Variants in PRICKLE2 observed in about 807,000 individuals in gnomAD.
The protein encoded by PRICKLE2 is prickle planar cell polarity protein 2, also known as prickle-like protein 2.
Under a neutral mutation model 81.4 loss-of-function variants are expected in PRICKLE2, and 21 were observed. That is an observed-to-expected ratio of 0.26 (90% CI 0.18 to 0.37). The LOEUF (loss-of-function observed/expected upper bound fraction) is 0.37. Ranked by LOEUF, PRICKLE2 falls within the 10% of genes least tolerant of loss-of-function variation. The probability of loss-of-function intolerance (pLI) is 1.00; values close to 1 mark genes in which losing one functional copy is unlikely to be tolerated. For synonymous variants in PRICKLE2, 456 were observed against 421.5 expected (o/e 1.08, Z -1.00); for missense variants, 940 against 1,109.0 (o/e 0.85, Z 2.16).
chr3:64,243,114 G>A (rs1334294276), intron 2 of PRICKLE2, among the ~76,000 whole-genome samples: 1 of 152,148 alleles, frequency 6.6e-6, no homozygotes, highest in Non-Finnish European at 1.5e-5. Flanking sequence ...AATATGAAGT[G>A]CATGTGTGCA....
At chr3:64,213,655 T>A (rs2078828013) in intron 1 of PRICKLE2, among the ~76,000 whole-genome samples, 1 of 152,186 alleles carries the variant, frequency 6.6e-6, no homozygotes, top group East Asian at 1.9e-4. Flanking sequence ...CCCAGGGGCA[T>A]AAGGTCAGTT....
At chr3:64,253,336 G>GT (rs2079477180) in intron 2 of PRICKLE2, among the ~76,000 whole-genome samples, 1 of 152,126 alleles carries the variant, frequency 6.6e-6, no homozygotes. Context: ...TGGAACTGAT[G>GT]TTTGACTCCT....
At chr3:64,118,217 C>A (rs1069980) in intron 7 of PRICKLE2, among the ~76,000 whole-genome samples, 86,420 of 151,980 alleles carry the variant, frequency 0.57, 24,590 homozygotes, top group Middle Eastern at 0.63. Flanking sequence ...AAAGACTTAA[C>A]TGTAAAAACC....
At chr3:64,245,047 A>C (rs912762962) in intron 2 of PRICKLE2, among the ~76,000 whole-genome samples, 12 of 152,212 alleles carry the variant, frequency 7.9e-5, no homozygotes, top group Non-Finnish European at 1.2e-4. Flanking sequence ...CTTGTTGTCA[A>C]TAGGGTAAAT....
chr3:64,201,402 T>C (rs1389965903), intron 1 of PRICKLE2, among the ~76,000 whole-genome samples: 1 of 152,240 alleles, frequency 6.6e-6, no homozygotes, highest in Middle Eastern at 3.2e-3. Context: ...TCTTGTCACA[T>C]TTGTTATTGT....
intron 1 of PRICKLE2, among the ~76,000 whole-genome samples, chr3:64,223,501 C>T (rs2078986451): frequency 6.6e-6 from 1 of 152,112 alleles, no homozygotes; most frequent in Non-Finnish European, 1.5e-5. Flanking sequence ...ATTTTATTCC[C>T]TCACATTTCA....
chr3:64,146,667 C>G, intron 7 of PRICKLE2, 163 bp downstream of exon 7: 4 of 720,492 alleles, frequency 5.6e-6, no homozygotes, highest in Non-Finnish European at 9.2e-6. Flanking sequence ...GGCGTGAACC[C>G]GGGAGGTGGA....
chr3:64,163,146 A>T lies in PRICKLE2; in HGVS notation c.145-17T>A. ...CTGGTGTACCTGAAGGACAGAAAGC[A>T]TATAGATGACTTGCCCATTACTCAA... On this transcript the variant is annotated splice_polypyrimidine_tract_variant and intron_variant, in intron 2 of 7. Coordinates refer to ENST00000638394, the MANE Select transcript of PRICKLE2 (RefSeq NM_198859.4). 2 of 1,458,212 alleles carry T rather than the reference A, an allele frequency of 1.4e-6. No homozygotes were observed. Among genetic ancestry groups the T allele is most frequent in the Non-Finnish European group, 1.9e-6 (2 of 1,037,850 alleles). The allele number at this position is 1,458,212 out of a possible 1,614,324, so 90.3% of individuals were successfully genotyped here. A position where few individuals can be genotyped will look rare whatever the true frequency, so the allele number is the denominator to read the frequency against.
intron 5 of PRICKLE2, among the ~76,000 whole-genome samples, chr3:64,156,587 T>G (rs1427528207): frequency 6.6e-6 from 1 of 152,188 alleles, no homozygotes; most frequent in Non-Finnish European, 1.5e-5. Flanking sequence ...AGGTTTTGCG[T>G]TCTATCCTGC....
chr3:64,116,677 T>C (rs1069984), intron 7 of PRICKLE2, among the ~76,000 whole-genome samples: 113,080 of 152,008 alleles, frequency 0.74, 43,698 homozygotes, highest in South Asian at 0.86. Flanking sequence ...AGACCAATAA[T>C]GAGCTCTGAA....
intron 7 of PRICKLE2, among the ~76,000 whole-genome samples, chr3:64,114,805 G>C (rs1162425190): frequency 6.6e-6 from 1 of 152,118 alleles, no homozygotes; most frequent in African/African-American, 2.4e-5. Context: ...CATACTTCAA[G>C]ATATCATTCA....
At chr3:64,134,621 T>A (rs1161207333) in intron 7 of PRICKLE2, among the ~76,000 whole-genome samples, 1 of 134,858 alleles carries the variant, frequency 7.4e-6, no homozygotes, top group Non-Finnish European at 1.7e-5. Context: ...CCTCCAAACT[T>A]CGAAGTGTTC....
At chr3:64,251,050 G>T (rs1409638095) in intron 2 of PRICKLE2, among the ~76,000 whole-genome samples, 2 of 152,276 alleles carry the variant, frequency 1.3e-5, no homozygotes, top group East Asian at 3.9e-4. Context: ...CACGAGGGCA[G>T]GGACTTTGTC....
intron 4 of PRICKLE2, 143 bp downstream of exon 4, chr3:64,159,797 G>T (rs1376600653): frequency 5.8e-6 from 6 of 1,034,382 alleles, no homozygotes; most frequent in Non-Finnish European, 7.5e-6. Flanking sequence ...CTCCTTAGAA[G>T]GGCAAGATGA....
chr3:64,267,884 G>T (rs961947073), intron 2 of PRICKLE2: 2 of 152,172 alleles, frequency 1.3e-5, no homozygotes, highest in South Asian at 2.1e-4. Context: ...CCCCGGCTAT[G>T]GGGGGGCCAC....
intron 7 of PRICKLE2, among the ~76,000 whole-genome samples, chr3:64,144,474 C>T (rs2077411964): frequency 6.6e-6 from 1 of 152,238 alleles, no homozygotes. Flanking sequence ...ACATAAATAT[C>T]CCAGCACATG....
chr3:64,109,808 TTTGAACTGGAGGTTGGGGAGTG>T (rs1487773297), intron 7 of PRICKLE2, among the ~76,000 whole-genome samples: 3 of 152,230 alleles, frequency 2.0e-5, no homozygotes, highest in Non-Finnish European at 4.4e-5. Flanking sequence ...GGGACTTGCC[TTTGAACTGGAGGTTGGGGAGTG>T]ACAAGCATTA....
chr3:64,178,556 GGAA>G (rs1304316832), intron 2 of PRICKLE2, among the ~76,000 whole-genome samples: 1 of 152,180 alleles, frequency 6.6e-6, no homozygotes, highest in Admixed American at 6.5e-5. Context: ...CTTTGTGCCT[GGAA>G]GAAGAAGGAA....
chr3:64,137,756 G>T (rs1395395122), intron 7 of PRICKLE2, among the ~76,000 whole-genome samples: 1 of 152,120 alleles, frequency 6.6e-6, no homozygotes, highest in East Asian at 1.9e-4. Flanking sequence ...GATTCTCCTG[G>T]GACTTTCACT....
Sources: gnomAD v4.1 joint callset for allele counts (sites outside exome capture counted in the v4.1 genomes callset) on GRCh38, gnomAD v4.1.1 for gene constraint, MANE v1.5 for transcripts, NCBI Gene and HGNC (gene_info 2026-07-23, HGNC 2026-07-21) for gene names.